The following HIVEP3 variants were observed in gnomAD, a reference collection of about 807,000 sequenced individuals.
HIVEP3 encodes the protein transcription factor HIVEP3.
A neutral mutation model predicts 152.8 loss-of-function variants in HIVEP3; 49 were observed. The ratio of observed to expected loss-of-function variants is 0.32; its 90% confidence interval spans 0.26 to 0.41. The LOEUF (loss-of-function observed/expected upper bound fraction) is 0.41, where lower values mean the gene tolerates loss of function less well. HIVEP3 is among the 10% of genes least tolerant of loss of function. HIVEP3 has a pLI of 1.00. For missense variants in HIVEP3, 2,790 were observed against 3,103.3 expected (o/e 0.90, Z 2.40); for synonymous variants, 1,269 against 1,289.0 (o/e 0.98, Z 0.33).
chr1:41,735,761 C>T (rs1255848116), intron 1 of HIVEP3, among the ~76,000 whole-genome samples: 4 of 152,138 alleles, frequency 2.6e-5, no homozygotes, highest in Non-Finnish European at 5.9e-5. Flanking sequence ...GCTCCCTGGC[C>T]ACCCACGTGC....
At chr1:41,606,500 G>A (rs946350823) in intron 3 of HIVEP3, among the ~76,000 whole-genome samples, 13 of 151,978 alleles carry the variant, frequency 8.6e-5, no homozygotes, top group African/African-American at 2.4e-4. Flanking sequence ...CATTGCCTGC[G>A]AAGCCACTCA....
chr1:41,901,948 C>G (rs1034298847), intron 1 of HIVEP3, among the ~76,000 whole-genome samples: 1 of 152,160 alleles, frequency 6.6e-6, no homozygotes. Flanking sequence ...TACCCCAGCA[C>G]CTAGGAGGAT....
At chr1:42,020,516 T>C (rs143948263) in intron 1 of HIVEP3, among the ~76,000 whole-genome samples, 1 of 152,312 alleles carries the variant, frequency 6.6e-6, no homozygotes, top group African/African-American at 2.4e-5. Flanking sequence ...TATATCCTCT[T>C]ATTAAGCATA....
intron 3 of HIVEP3, among the ~76,000 whole-genome samples, chr1:41,610,030 G>A (rs1644876424): frequency 6.6e-6 from 1 of 152,198 alleles, no homozygotes; most frequent in Non-Finnish European, 1.5e-5. Flanking sequence ...AGAGGACAGG[G>A]GAATGATGTC....
At chr1:41,709,534 C>T (rs551986354) in intron 1 of HIVEP3, among the ~76,000 whole-genome samples, 9 of 152,276 alleles carry the variant, frequency 5.9e-5, no homozygotes, top group South Asian at 2.1e-4. Flanking sequence ...CATTTCCTGA[C>T]GATCTTCCTT....
Position 41,584,336 on chromosome 1 carries a change from G to T in HIVEP3, c.462C>A (p.Pro154=), listed in dbSNP as rs138785392. The stretch of plus-strand genomic sequence containing the variant: ...CTTTGGGGACTCCAGGAAGGTCCTC[G>T]GGGGGAATGATGGAAGCGTGGGAAG... ...LLPSHASIIP[P]EDLPGVPKVF... Residue 154 remains proline, a synonymous_variant, in exon 4 of 9, where the codon CCC becomes CCA. Transcript: ENST00000372583. The surrounding 1 kb of genome is among the most constrained non-coding windows in gnomAD (Gnocchi z 5.2). 8 of 1,613,636 alleles carry T rather than the reference G, an allele frequency of 5.0e-6. No individual in the cohort carries two copies. The highest frequency in any genetic ancestry group is 6.8e-6 in the Non-Finnish European group (8 of 1,179,792).
intron 4 of HIVEP3, 123 bp from the exon 5 acceptor site, chr1:41,575,812 TC>T (rs1052536883): frequency 9.7e-7 from 1 of 1,029,854 alleles, no homozygotes; most frequent in Non-Finnish European, 1.4e-6. Flanking sequence ...ATCTTCACAC[TC>T]CCCCATGAAG....
chr1:41,510,737 G>A lies in HIVEP3; in HGVS notation c.6935C>T (p.Pro2312Leu). 2 of 1,561,620 alleles carry A rather than the reference G, an allele frequency of 1.3e-6. No individual in the cohort carries two copies. The highest frequency in any genetic ancestry group is 1.4e-5 in the African/African-American group (1 of 73,924). Residue 2312 changes from proline (P) to leucine (L), a missense_variant, in exon 9 of 9, where the codon CCC becomes CTC. Physicochemically the swap from Pro to Leu is moderately conservative, Grantham distance 98. This residue lies in a region of HIVEP3 where 816 missense variants were observed against 806.5 expected (regional missense o/e 1.01). Coordinates refer to ENST00000372583, the MANE Select transcript of HIVEP3 (RefSeq NM_024503.5). ...CTGGGGCGGCCGGGGCAAGGTGTCGGGTGGGGTGCAGGGGCTGTGCGTGGG... is the reference window on the plus strand; with the variant it reads ...CTGGGGCGGCCGGGGCAAGGTGTCGAGTGGGGTGCAGGGGCTGTGCGTGGG... Reference protein sequence around the residue: ...PTPTHSPCTPPDTLPRPPQGR... With the variant: ...PTPTHSPCTPLDTLPRPPQGR...
chr1:41,998,691 T>C (rs1214893124), intron 1 of HIVEP3, among the ~76,000 whole-genome samples: 4 of 152,134 alleles, frequency 2.6e-5, no homozygotes, highest in African/African-American at 9.7e-5. Flanking sequence ...TTGAGGTCTA[T>C]TAACAACTGA....
At chr1:41,958,218 C>T (rs1645150261) in intron 1 of HIVEP3, among the ~76,000 whole-genome samples, 1 of 152,232 alleles carries the variant, frequency 6.6e-6, no homozygotes, top group Non-Finnish European at 1.5e-5. Context: ...TGACCAGGCA[C>T]ATCTCAAGGC....
At chr1:41,791,553 C>T (rs1221264238) in intron 1 of HIVEP3, among the ~76,000 whole-genome samples, 1 of 152,094 alleles carries the variant, frequency 6.6e-6, no homozygotes, top group Non-Finnish European at 1.5e-5. Context: ...ACAAGGTCAC[C>T]TTCAGAATGA....
intron 1 of HIVEP3, among the ~76,000 whole-genome samples, chr1:41,851,326 CAG>C (rs780036861): frequency 2.1e-4 from 19 of 90,774 alleles, no homozygotes; most frequent in Non-Finnish European, 3.5e-4. Flanking sequence ...TTTTTTGAGA[CAG>C]AGTCTTGCTC....
At chr1:41,599,347 G>A (rs1411130839) in intron 3 of HIVEP3, among the ~76,000 whole-genome samples, 1 of 152,186 alleles carries the variant, frequency 6.6e-6, no homozygotes, top group Non-Finnish European at 1.5e-5. Flanking sequence ...GGAACTTGGG[G>A]TAGGCAAAGA....
At chr1:41,528,460 C>T in intron 5 of HIVEP3, among the ~76,000 whole-genome samples, 1 of 129,508 alleles carries the variant, frequency 7.7e-6, no homozygotes, top group African/African-American at 3.0e-5. Flanking sequence ...CACACACACC[C>T]CACCCTCACC....
rs57964215 is a variant in HIVEP3 at position 41,824,776 on chromosome 1, T to C, written c.-801+93637A>G. Reference sequence around the variant, plus strand: ...ATATATATATATATATATATATATATATATATATAGAGAGAGAGAGAGAGA... The same window carrying C: ...ATATATATATATATATATATATATACATATATATAGAGAGAGAGAGAGAGA... On this transcript the variant is annotated intron_variant, in intron 1 of 8. Transcript: ENST00000372583. 1.1e-3 allele frequency among the ~76,000 whole-genome samples: 14 copies of C among 12,308 alleles called. 1 individual carries two copies. Among genetic ancestry groups the C allele is most frequent in the Non-Finnish European group, 1.8e-3 (10 of 5,654 alleles). The allele number at this position is 12,308 out of a possible 152,430, so 8.1% of individuals were successfully genotyped here.
At chr1:41,801,037 A>G (rs776185414) in intron 1 of HIVEP3, among the ~76,000 whole-genome samples, 11 of 152,222 alleles carry the variant, frequency 7.2e-5, no homozygotes, top group Non-Finnish European at 1.3e-4. Context: ...TACTAAGTGG[A>G]GTTAAATAAA....
At chr1:41,567,454 G>A (rs1240267679) in intron 5 of HIVEP3, among the ~76,000 whole-genome samples, 3 of 152,240 alleles carry the variant, frequency 2.0e-5, no homozygotes, top group African/African-American at 7.2e-5. Flanking sequence ...GTGGGCTCAT[G>A]TGATGGGGGC....
At chr1:41,521,930 A>G (rs561959917) in intron 6 of HIVEP3, among the ~76,000 whole-genome samples, 3 of 152,314 alleles carry the variant, frequency 2.0e-5, no homozygotes, top group South Asian at 4.1e-4. Flanking sequence ...ACCCCCAGCC[A>G]CCACAGGGCC....
chr1:41,770,800 G>A (rs1648304892), intron 1 of HIVEP3, among the ~76,000 whole-genome samples: 1 of 151,500 alleles, frequency 6.6e-6, no homozygotes, highest in African/African-American at 2.4e-5. Context: ...AATGCAATGT[G>A]CAATCCTGGA....
Sources: gnomAD v4.1 joint callset for allele counts (sites outside exome capture counted in the v4.1 genomes callset) on GRCh38, gnomAD v4.1.1 for gene constraint, gnomAD v4.1.1 regional missense constraint, Gnocchi (gnomAD v3.1) non-coding constraint, MANE v1.5 for transcripts, NCBI Gene and HGNC (gene_info 2026-07-23, HGNC 2026-07-21) for gene names.